ABCB11: variants seen among roughly 807,000 people sequenced by gnomAD.
The protein encoded by ABCB11 is bile salt export pump.
In ABCB11, 95 loss-of-function variants were observed where a neutral mutation model predicts 148.0. The observed-to-expected ratio is 0.64, with a 90% CI of 0.54 to 0.76. The LOEUF (loss-of-function observed/expected upper bound fraction) is 0.76, where lower values mean the gene tolerates loss of function less well. Among genes scored for constraint, ABCB11 ranks in the 30% least tolerant of loss-of-function variants. The probability of loss-of-function intolerance (pLI) is 0.00; values close to 1 mark genes in which losing one functional copy is unlikely to be tolerated. For missense variants in ABCB11, 1,523 were observed against 1,617.8 expected, an observed-to-expected ratio of 0.94 and a Z score of 1.01; for synonymous variants, 591 against 555.4, an observed-to-expected ratio of 1.06 and a Z score of -0.90.
At chr2:168,995,171 T>A (rs1694673041) in intron 7 of ABCB11, among the ~76,000 whole-genome samples, 178 bp downstream of exon 7, 1 of 152,050 alleles carries the variant, frequency 6.6e-6, no homozygotes, top group African/African-American at 2.4e-5. Flanking sequence ...TTTCAATTTT[T>A]AATGTCCATA....
At chr2:168,972,903 ACT>A in intron 13 of ABCB11, among the ~76,000 whole-genome samples, 1 of 151,770 alleles carries the variant, frequency 6.6e-6, no homozygotes, top group African/African-American at 2.4e-5. Flanking sequence ...CATCTCTCTG[ACT>A]CTCTGCTTCC....
intron 12 of ABCB11, among the ~76,000 whole-genome samples, chr2:168,974,086 G>C (rs979017498): frequency 2.0e-5 from 3 of 151,954 alleles, no homozygotes; most frequent in African/African-American, 7.2e-5. Context: ...GAAGTAAAAT[G>C]ATGCACATTA....
chr2:168,941,131 A>G (rs1574411815), intron 21 of ABCB11, among the ~76,000 whole-genome samples: 1 of 151,926 alleles, frequency 6.6e-6, no homozygotes, highest in Non-Finnish European at 1.5e-5. Flanking sequence ...TTTCACTTTG[A>G]AGTCTTTTTA....
At chr2:168,938,539 T>C (rs1008999805) in intron 21 of ABCB11, among the ~76,000 whole-genome samples, 5 of 151,684 alleles carry the variant, frequency 3.3e-5, no homozygotes, top group African/African-American at 1.2e-4. Context: ...GGATGGGGAG[T>C]TGCCGTTTCA....
chr2:168,919,903 TGC>T (rs1691026401), downstream of ABCB11, among the ~76,000 whole-genome samples: 1 of 152,044 alleles, frequency 6.6e-6, no homozygotes, highest in South Asian at 2.1e-4. Context: ...GACAAGGTCT[TGC>T]TCTGTTGCCC....
chr2:168,956,092 G>A (rs985785454), intron 19 of ABCB11, among the ~76,000 whole-genome samples: 5 of 151,694 alleles, frequency 3.3e-5, no homozygotes, highest in African/African-American at 1.2e-4. Context: ...TACAATCATG[G>A]CAGAAGGTGA....
At chr2:169,003,061 T>C (rs1374628661) in intron 5 of ABCB11, among the ~76,000 whole-genome samples, 4 of 152,062 alleles carry the variant, frequency 2.6e-5, no homozygotes, top group Admixed American at 6.6e-5. Flanking sequence ...GCACCCATCA[T>C]CCAAGCAGTG....
At chr2:169,023,267 G>T (rs113451322) in intron 1 of ABCB11, among the ~76,000 whole-genome samples, 3,891 of 152,202 alleles carry the variant, frequency 0.026, 59 homozygotes, top group Middle Eastern at 0.068. Flanking sequence ...TTAATACGTG[G>T]CAGGCACTGT....
intron 3 of ABCB11, among the ~76,000 whole-genome samples, chr2:169,015,675 C>G (rs772591316): frequency 6.6e-6 from 1 of 152,086 alleles, no homozygotes; most frequent in African/African-American, 2.4e-5. Context: ...AACCCCACCC[C>G]CCACGCACCA....
chr2:169,012,425 A>C (rs756901204), intron 5 of ABCB11, among the ~76,000 whole-genome samples: 16 of 152,118 alleles, frequency 1.1e-4, no homozygotes, highest in Non-Finnish European at 2.1e-4. Context: ...TGTCTGTGTG[A>C]GTTCTGGCTA....
chr2:168,974,989 C>A (rs1013307910), intron 12 of ABCB11, among the ~76,000 whole-genome samples: 1 of 144,844 alleles, frequency 6.9e-6, no homozygotes. Context: ...TATATTTGTA[C>A]ATTTGTTATA....
At chr2:168,994,938 C>T (rs1694665709) in intron 7 of ABCB11, among the ~76,000 whole-genome samples, 1 of 152,008 alleles carries the variant, frequency 6.6e-6, no homozygotes, top group African/African-American at 2.4e-5. Flanking sequence ...TGTAGAGTGA[C>T]TGTCTTTCAG....
At chr2:168,942,785 A>T (rs2105909193) in intron 21 of ABCB11, among the ~76,000 whole-genome samples, 1 of 152,038 alleles carries the variant, frequency 6.6e-6, no homozygotes, top group Admixed American at 6.6e-5. Context: ...CAACTAAAAC[A>T]ATAAGGTTTT....
chr2:168,947,339 C>G (rs1046135258), intron 19 of ABCB11, among the ~76,000 whole-genome samples: 4 of 120,382 alleles, frequency 3.3e-5, no homozygotes, highest in Non-Finnish European at 7.3e-5. Flanking sequence ...GCTGGCGACT[C>G]TCACATCCAT....
intron 21 of ABCB11, among the ~76,000 whole-genome samples, chr2:168,944,087 T>C (rs1692192424): frequency 6.6e-6 from 1 of 151,988 alleles, no homozygotes; most frequent in Non-Finnish European, 1.5e-5. Flanking sequence ...ACCACAGCTC[T>C]GTCTACCTTA....
At chr2:168,960,559 C>T (rs1362302670) in intron 18 of ABCB11, among the ~76,000 whole-genome samples, 1 of 151,610 alleles carries the variant, frequency 6.6e-6, no homozygotes, top group African/African-American at 2.4e-5. Context: ...TAATTCTTGT[C>T]TAGTGGTTTT....
intron 14 of ABCB11, among the ~76,000 whole-genome samples, chr2:168,971,290 T>C (rs548477956): frequency 6.6e-6 from 1 of 152,178 alleles, no homozygotes; most frequent in South Asian, 2.1e-4. Flanking sequence ...GTATACGTGT[T>C]AACCCTTTAT....
Position 169,003,141 on chromosome 2 carries a change from A to G in ABCB11, c.390-6419T>C, listed in dbSNP as rs978407767. ...CTTTCCTCCAAGTCCCCAAAGTCCA[A>G]TGTATCATTCTCATGCCTTTGTGTC... On this transcript the variant is annotated intron_variant, in intron 5 of 27. Coordinates refer to ENST00000650372, the MANE Select transcript of ABCB11 (RefSeq NM_003742.4). 2.0e-5 allele frequency among the ~76,000 whole-genome samples: 3 copies of G among 151,850 alleles called. No individual in the cohort carries two copies. In the South Asian group the frequency reaches 6.2e-4, roughly 32 times the overall value.
chr2:168,926,126 T>C (rs1691296191), intron 26 of ABCB11, among the ~76,000 whole-genome samples: 1 of 152,134 alleles, frequency 6.6e-6, no homozygotes, highest in Non-Finnish European at 1.5e-5. Context: ...AAAAAGTAAG[T>C]AGAGAAGGTT....
Sources: allele counts gnomAD v4.1 joint callset (sites outside exome capture counted in the v4.1 genomes callset), GRCh38; gene constraint gnomAD v4.1.1; transcripts MANE v1.5; gene names NCBI Gene and HGNC (gene_info 2026-07-23, HGNC 2026-07-21).